Variants in CYP2B6 observed in about 807,000 individuals in gnomAD.
CYP2B6 encodes cytochrome P450 2B6.
In CYP2B6, 35 loss-of-function variants were observed where a neutral mutation model predicts 43.4. The observed-to-expected ratio is 0.81, with a 90% CI of 0.62 to 1.07. The LOEUF (loss-of-function observed/expected upper bound fraction) is 1.07, where lower values mean the gene tolerates loss of function less well. CYP2B6 is among the 50% of genes least tolerant of loss of function. The probability of loss-of-function intolerance (pLI) is 0.00; values close to 1 mark genes in which losing one functional copy is unlikely to be tolerated. For missense variants in CYP2B6, 624 were observed against 632.8 expected, an observed-to-expected ratio of 0.99 and a Z score of 0.15; for synonymous variants, 239 against 239.2, an observed-to-expected ratio of 1.00 and a Z score of 0.01.
rs1599850261 is a variant in CYP2B6, at chr19:41,010,121, A to G, written c.950A>G (p.Tyr317Cys). ...LRYGFLLMLK[Y>C]PHVAERVYRE... is the part of the protein sequence containing the mutation. Reference sequence around the variant, plus strand: ...TACGGCTTCCTGCTCATGCTCAAATACCCTCATGTTGCAGGTGGGCCAGGG... The same window carrying G: ...TACGGCTTCCTGCTCATGCTCAAATGCCCTCATGTTGCAGGTGGGCCAGGG... The change falls in exon 6 of 9, where the codon TAC becomes TGC. Residue 317 changes from tyrosine (Y) to cysteine (C), a missense_variant. Tyr to Cys is a radical substitution (Grantham distance 194). Coordinates refer to ENST00000324071, the MANE Select transcript of CYP2B6 (RefSeq NM_000767.5). 1 of 1,612,860 alleles carries G rather than the reference A, an allele frequency of 6.2e-7. No homozygotes were observed. The highest frequency in any genetic ancestry group is 1.3e-5 in the African/African-American group (1 of 74,824).
At chr19:41,004,829 A>G (rs1969151818) in intron 3 of CYP2B6, among the ~76,000 whole-genome samples, 1 of 151,972 alleles carries the variant, frequency 6.6e-6, no homozygotes, top group Non-Finnish European at 1.5e-5. Flanking sequence ...TCTCTACACA[A>G]TATAGAAAAG....
rs761313369 is a variant in CYP2B6 at position 41,012,372 on chromosome 19, C to T, written c.1039C>T (p.Pro347Ser). ...PPELHDRAKM[P>S]YTEAVIYEIQ... ...AGAGCTTCATGACCGAGCCAAAATGCCATACACAGAGGCAGTCATCTATGA... is the reference window on the plus strand; with the variant it reads ...AGAGCTTCATGACCGAGCCAAAATGTCATACACAGAGGCAGTCATCTATGA... Residue 347 changes from proline (P) to serine (S), a missense_variant, in exon 7 of 9, where the codon CCA becomes TCA. Coordinates refer to ENST00000324071, the MANE Select transcript of CYP2B6 (RefSeq NM_000767.5). 6.8e-6 allele frequency: 11 copies of T among 1,614,008 alleles called. No individual in the cohort carries two copies. The highest frequency in any genetic ancestry group is 1.6e-4 in the Middle Eastern group (1 of 6,084).
chr19:41,016,814 T>G lies in CYP2B6; in HGVS notation c.1463T>G (p.Phe488Cys). 1.2e-6 allele frequency: 2 copies of G among 1,613,928 alleles called. No homozygotes were observed. The highest frequency in any genetic ancestry group is 2.7e-5 in the African/African-American group (2 of 75,020). Residue 488 changes from phenylalanine to cysteine, a missense_variant, in exon 9 of 9, where the codon TTC becomes TGC. Transcript: ENST00000324071. ...GKIPPTYQIR[F>C]LPR ...ATACCCCCAACATACCAGATCCGCTTCCTGCCCCGCTGAAGGGGCTGAGGG... is the reference window on the plus strand; with the variant it reads ...ATACCCCCAACATACCAGATCCGCTGCCTGCCCCGCTGAAGGGGCTGAGGG...
rs1209375865 is a variant in CYP2B6, at chr19:41,017,706, A to G, written c.*879A>G. 4.6e-5 allele frequency: 7 copies of G among 152,036 alleles called. No individual in the cohort carries two copies. The highest frequency in any genetic ancestry group is 4.6e-4 in the Admixed American group (7 of 15,262). 9.4% of individuals were successfully genotyped at this position (152,036 alleles called of 1,614,324 possible). A position where few individuals can be genotyped will look rare whatever the true frequency, so the allele number is the denominator to read the frequency against. On this transcript the variant is annotated 3_prime_UTR_variant, in exon 9 of 9. Coordinates refer to ENST00000324071, the MANE Select transcript of CYP2B6 (RefSeq NM_000767.5). ...TCTCCTAGCTCCAAATGTTTTCATT[A>G]TCTCTCCCCCAACAAAACCCATACC...
intron 1 of CYP2B6, among the ~76,000 whole-genome samples, chr19:41,001,453 A>G (rs538046608): frequency 6.6e-6 from 1 of 152,016 alleles, no homozygotes; most frequent in Non-Finnish European, 1.5e-5. Context: ...TTGCTTCTCC[A>G]TTTCCCAATA....
At chr19:41,010,868 C>G (rs1969272721) in intron 6 of CYP2B6, among the ~76,000 whole-genome samples, 1 of 152,138 alleles carries the variant, frequency 6.6e-6, no homozygotes, top group African/African-American at 2.4e-5. Context: ...TTTTGTAGCA[C>G]TCACTCATGA....
Position 41,003,529 on chromosome 19 carries a change from A to T in CYP2B6, c.172-472A>T, listed in dbSNP as rs539989697. On this transcript the variant is annotated intron_variant, in intron 1 of 8. Transcript: ENST00000324071. ...GAAACTGCAAAAAGCAAAACCACAG[A>T]TCATAAGAAGTATGCGGTGGGGGTG... is the stretch of plus-strand genomic sequence containing the variant. Among the ~76,000 whole-genome samples, 82 of 152,258 alleles carry T rather than the reference A, an allele frequency of 5.4e-4. No homozygotes were observed. The Middle Eastern group carries it at 0.027, about 51-fold the overall frequency.
rs1405203852 is a variant in CYP2B6 at position 40,995,355 on chromosome 19, G to A, written c.171+3879G>A. ...GGAGAGATGTGGATCCAAGATCCGA[G>A]ACCCTGACATTTTGCTACAGAGAAG... On this transcript the variant is annotated intron_variant, in intron 1 of 8. Coordinates refer to ENST00000324071, the MANE Select transcript of CYP2B6 (RefSeq NM_000767.5). Among the ~76,000 whole-genome samples, 16 of 152,104 alleles carry A rather than the reference G, an allele frequency of 1.1e-4. 1 individual carries two copies. The highest frequency in any genetic ancestry group is 3.9e-4 in the African/African-American group (16 of 41,400).
In CYP2B6 at chr19:41,004,108, G is replaced by T. The variant is rs1197795400; in HGVS notation, c.279G>T (p.Glu93Asp). Residue 93 changes from glutamate to aspartate, a missense_variant, in exon 2 of 9, where the codon GAG becomes GAT. By Grantham distance (45) the Glu-to-Asp change is conservative (BLOSUM62 2). Transcript: ENST00000324071. Reference sequence around the variant, plus strand: ...GGGAGGCCCTTGTGGACAAGGCTGAGGCCTTCTCTGGCCGGGGAAAAATCG... The same window carrying T: ...GGGAGGCCCTTGTGGACAAGGCTGATGCCTTCTCTGGCCGGGGAAAAATCG... ...AIREALVDKA[E>D]AFSGRGKIAM... 4 of 1,613,300 alleles carry T rather than the reference G, an allele frequency of 2.5e-6. No individual in the cohort carries two copies. The highest frequency in any genetic ancestry group is 3.4e-6 in the Non-Finnish European group (4 of 1,179,942).
At position 40,992,809 on chromosome 19, in the gene CYP2B6, C is replaced by T. The variant is rs573284726; in HGVS notation, c.171+1333C>T. ...TGCTAGGATTACATGTGTGAGCCAC[C>T]GCACCCGGCCAAGACTCTTGAGAAA... On this transcript the variant is annotated intron_variant, in intron 1 of 8. Coordinates refer to ENST00000324071, the MANE Select transcript of CYP2B6 (RefSeq NM_000767.5). Among the ~76,000 whole-genome samples, 12 of 152,120 alleles carry T rather than the reference C, an allele frequency of 7.9e-5. No individual in the cohort carries two copies. In the South Asian group the frequency reaches 1.2e-3, roughly 16 times the overall value.
At chr19:41,013,057 C>A in intron 8 of CYP2B6, 1 of 532,608 alleles carries the variant, frequency 1.9e-6, no homozygotes. Context: ...CTCTAAACCT[C>A]AGTGAGTTCA....
intron 8 of CYP2B6, among the ~76,000 whole-genome samples, chr19:41,014,692 G>C (rs1406020993): frequency 6.6e-6 from 1 of 152,116 alleles, no homozygotes; most frequent in Non-Finnish European, 1.5e-5. Flanking sequence ...GAGAAACAGA[G>C]TTAGGGACAA....
chr19:41,012,136 G>A (rs182308442), intron 6 of CYP2B6, among the ~76,000 whole-genome samples, 162 bp from the exon 7 acceptor site: 86 of 152,234 alleles, frequency 5.6e-4, no homozygotes, highest in African/African-American at 1.9e-3. Context: ...TTTTAGGAGA[G>A]ACGGGATTTT....
intron 1 of CYP2B6, among the ~76,000 whole-genome samples, chr19:40,998,076 T>A (rs1268086560): frequency 6.6e-6 from 1 of 152,046 alleles, no homozygotes; most frequent in African/African-American, 2.4e-5. Flanking sequence ...CCCTCCAGCC[T>A]GGGCACAGAG....
chr19:41,016,909 A>G lies in CYP2B6; in HGVS notation c.*82A>G. On this transcript the variant is annotated 3_prime_UTR_variant, in exon 9 of 9. Transcript: ENST00000324071. ...GTAGACAATGGCTCTGACTCCCCGCAACTTCCTGCCTCTGAGAGACCTGCT... is the reference window on the plus strand; with the variant it reads ...GTAGACAATGGCTCTGACTCCCCGCGACTTCCTGCCTCTGAGAGACCTGCT... The G allele has an allele frequency of 2.1e-6, 3 of 1,457,880 alleles. No individual in the cohort carries two copies. The highest frequency in any genetic ancestry group is 2.8e-6 in the Non-Finnish European group (3 of 1,068,720). 90.3% of individuals were successfully genotyped at this position (1,457,880 alleles called of 1,614,324 possible).
In CYP2B6 at chr19:41,004,036, C is replaced by A; in HGVS notation, c.207C>A (p.His69Gln). The A allele has an allele frequency of 6.2e-7, 1 of 1,613,660 alleles. No individual in the cohort carries two copies. The highest frequency in any genetic ancestry group is 8.5e-7 in the Non-Finnish European group (1 of 1,179,672). Reference protein sequence around the residue: ...REKYGDVFTVHLGPRPVVMLC... With the variant: ...REKYGDVFTVQLGPRPVVMLC... Reference sequence around the variant, plus strand: ...AATATGGGGACGTCTTCACGGTACACCTGGGACCGAGGCCCGTGGTCATGC... The same window carrying A: ...AATATGGGGACGTCTTCACGGTACAACTGGGACCGAGGCCCGTGGTCATGC... The change falls in exon 2 of 9, where the codon CAC becomes CAA. Residue 69 changes from histidine (H) to glutamine (Q), a missense_variant. By Grantham distance (24) the His-to-Gln change is conservative. Coordinates refer to ENST00000324071, the MANE Select transcript of CYP2B6 (RefSeq NM_000767.5).
chr19:41,008,649 G>A (rs1050578301), intron 4 of CYP2B6, among the ~76,000 whole-genome samples: 15 of 151,570 alleles, frequency 9.9e-5, no homozygotes, highest in Non-Finnish European at 1.9e-4. Context: ...CCACCAGACA[G>A]TTAACAATGG....
Position 41,004,062 on chromosome 19 carries a change from T to C in CYP2B6, c.233T>C (p.Leu78Pro), listed in dbSNP as rs1969136255. 4 of 1,613,806 alleles carry C rather than the reference T, an allele frequency of 2.5e-6. No individual in the cohort carries two copies. Among genetic ancestry groups the C allele is most frequent in the Non-Finnish European group, 2.5e-6 (3 of 1,179,982 alleles). The part of the protein sequence containing the change: ...VHLGPRPVVM[L>P]CGVEAIREAL... ...CTGGGACCGAGGCCCGTGGTCATGC[T>C]GTGTGGAGTAGAGGCCATACGGGAG... Residue 78 changes from leucine (L) to proline (P), a missense_variant, in exon 2 of 9, where the codon CTG (leucine) becomes CCG (proline). By Grantham distance (98) the Leu-to-Pro change is moderately conservative. Transcript: ENST00000324071.
At chr19:41,001,687 C>T (rs1025688138) in intron 1 of CYP2B6, among the ~76,000 whole-genome samples, 5 of 151,916 alleles carry the variant, frequency 3.3e-5, no homozygotes, top group Non-Finnish European at 7.3e-5. Flanking sequence ...CATTTATTCA[C>T]GAATCCAATA....
Sources: allele counts gnomAD v4.1 joint callset (sites outside exome capture counted in the v4.1 genomes callset), GRCh38; gene constraint gnomAD v4.1.1; transcripts MANE v1.5; gene names NCBI Gene and HGNC (gene_info 2026-07-23, HGNC 2026-07-21).